Variants in PRKAR2B observed in about 807,000 individuals in gnomAD.
PRKAR2B encodes cAMP-dependent protein kinase type II-beta regulatory subunit.
Under a neutral mutation model 49.9 loss-of-function variants are expected in PRKAR2B, and 14 were observed. The observed-to-expected ratio is 0.28, with a 90% CI of 0.19 to 0.44. PRKAR2B has a LOEUF of 0.44. PRKAR2B is among the 20% of genes least tolerant of loss of function. PRKAR2B has a pLI of 1.00. For synonymous variants in PRKAR2B, 196 were observed against 197.7 expected, an observed-to-expected ratio of 0.99 and a Z score of 0.07; for missense variants, 393 against 537.9, an observed-to-expected ratio of 0.73 and a Z score of 2.67.
Position 107,045,168 on chromosome 7 carries a change from C to A in PRKAR2B, c.261C>A (p.Asp87Glu). 2 of 1,477,278 alleles carry A rather than the reference C, an allele frequency of 1.4e-6. No homozygotes were observed. The highest frequency in any genetic ancestry group is 1.8e-6 in the Non-Finnish European group (2 of 1,114,176). The allele number at this position is 1,477,278 out of a possible 1,614,324, so 91.5% of individuals were successfully genotyped here. A position where few individuals can be genotyped will look rare whatever the true frequency, so the allele number is the denominator to read the frequency against. Residue 87 changes from aspartate to glutamate, a missense_variant, in exon 1 of 11, where the codon GAC becomes GAA. This residue lies in a region of PRKAR2B where 160 missense variants were observed against 147.6 expected (regional missense o/e 1.08). Transcript: ENST00000265717. The stretch of plus-strand genomic sequence containing the variant: ...AGCCCATGCAGTCCGACTCCGAGGA[C>A]GGGGAGGAGGAGGAGGCGGCGCCCG... ...AEEPMQSDSEDGEEEEAAPAD... is the reference protein window; with the variant it reads ...AEEPMQSDSEEGEEEEAAPAD...
intron 2 of PRKAR2B, among the ~76,000 whole-genome samples, chr7:107,073,031 T>G (rs2536502): frequency 0.75 from 113,430 of 152,040 alleles, 43,326 homozygotes; most frequent in African/African-American, 0.93. Flanking sequence ...TGTAGTGCTA[T>G]GTGTTCTATC....
At chr7:107,095,312 T>C (rs1439014456) in intron 2 of PRKAR2B, among the ~76,000 whole-genome samples, 1 of 152,012 alleles carries the variant, frequency 6.6e-6, no homozygotes, top group Non-Finnish European at 1.5e-5. Flanking sequence ...CTGTATGTTA[T>C]TGGTGTGTAA....
At position 107,160,974 on chromosome 7, in the gene PRKAR2B, A is replaced by C. The variant is rs926609490; in HGVS notation, c.*1392A>C. The C allele has an allele frequency of 2.0e-5, 3 of 152,218 alleles. No homozygotes were observed. Among genetic ancestry groups the C allele is most frequent in the Non-Finnish European group, 4.4e-5 (3 of 68,024 alleles). 9.4% of individuals were successfully genotyped at this position (152,218 alleles called of 1,614,324 possible). On this transcript the variant is annotated 3_prime_UTR_variant, in exon 11 of 11. Transcript: ENST00000265717. ...CCAGTTGTTTGCTTTTAAATGAGTG[A>C]TTTCATTTTGGGAAACAGGTTTCAA... is the stretch of plus-strand genomic sequence containing the variant.
intron 2 of PRKAR2B, among the ~76,000 whole-genome samples, chr7:107,096,466 A>G (rs1235877569): frequency 6.7e-6 from 1 of 148,880 alleles, no homozygotes; most frequent in Non-Finnish European, 1.5e-5. Flanking sequence ...TCCTGGATTC[A>G]TTGATTTTTT....
intron 1 of PRKAR2B, among the ~76,000 whole-genome samples, chr7:107,065,648 C>A (rs999234256): frequency 3.3e-5 from 5 of 152,162 alleles, no homozygotes; most frequent in Admixed American, 2.0e-4. Context: ...GACTCTCTTA[C>A]AATTCCAGTG....
chr7:107,116,204 C>T (rs1795269323), intron 2 of PRKAR2B, among the ~76,000 whole-genome samples: 1 of 152,182 alleles, frequency 6.6e-6, no homozygotes. Flanking sequence ...TTACTGTGTG[C>T]CAGTCACTGT....
At chr7:107,105,672 CT>C (rs1385562794) in intron 2 of PRKAR2B, among the ~76,000 whole-genome samples, 1 of 152,114 alleles carries the variant, frequency 6.6e-6, no homozygotes, top group African/African-American at 2.4e-5. Flanking sequence ...GTCCTCTATT[CT>C]CTTGGCCATT....
chr7:107,135,423 T>C (rs934608344), intron 4 of PRKAR2B, among the ~76,000 whole-genome samples: 1 of 152,176 alleles, frequency 6.6e-6, no homozygotes, highest in African/African-American at 2.4e-5. Flanking sequence ...GTAAAATGTA[T>C]TGAGAAGGAA....
intron 2 of PRKAR2B, among the ~76,000 whole-genome samples, chr7:107,106,488 A>G (rs760419420): frequency 3.9e-5 from 6 of 152,244 alleles, no homozygotes; most frequent in Non-Finnish European, 8.8e-5. Flanking sequence ...AAACTCCTAT[A>G]TAAACTTCTC....
In PRKAR2B at chr7:107,045,226, A is replaced by G. The variant is rs757533399; in HGVS notation, c.307+12A>G. The G allele has an allele frequency of 2.9e-6, 4 of 1,402,096 alleles. No homozygotes were observed. Among genetic ancestry groups the G allele is most frequent in the Middle Eastern group, 2.7e-4 (1 of 3,770 alleles). 86.9% of individuals were successfully genotyped at this position (1,402,096 alleles called of 1,614,324 possible). A position where few individuals can be genotyped will look rare whatever the true frequency, so the allele number is the denominator to read the frequency against. On this transcript the variant is annotated intron_variant, in intron 1 of 10. Transcript: ENST00000265717. Reference sequence around the variant, plus strand: ...AGGGGCGTTCAATGGTGAGGACCAGACCCCCCACTTCGCGCCCCCGGATCC... The same window carrying G: ...AGGGGCGTTCAATGGTGAGGACCAGGCCCCCCACTTCGCGCCCCCGGATCC...
intron 10 of PRKAR2B, among the ~76,000 whole-genome samples, chr7:107,158,173 GGTGA>G (rs1796131050): frequency 6.6e-6 from 1 of 152,008 alleles, no homozygotes; most frequent in Non-Finnish European, 1.5e-5. Context: ...AAAGAGTAAA[GGTGA>G]GTGAGTGAAA....
In PRKAR2B at chr7:107,103,924, A is replaced by ATT. The variant is rs990935837; in HGVS notation, c.344-18027_344-18026dup. Among the ~76,000 whole-genome samples, 177 of 152,212 alleles carry ATT rather than the reference A, an allele frequency of 1.2e-3. 3 individuals are homozygous for ATT. Among genetic ancestry groups the ATT allele is most frequent in the Admixed American group, 0.012 (177 of 15,288 alleles). On this transcript the variant is annotated intron_variant, in intron 2 of 10. Coordinates refer to ENST00000265717, the MANE Select transcript of PRKAR2B (RefSeq NM_002736.3). ...TTCTGTCTCAATTTAAAGGCTCCTG[A>ATT]TTATTCCCTTTTAGAGCTTCATAGA...
intron 5 of PRKAR2B, among the ~76,000 whole-genome samples, chr7:107,144,292 T>C (rs1206289824): frequency 2.0e-5 from 3 of 152,064 alleles, no homozygotes; most frequent in African/African-American, 7.2e-5. Context: ...TTCACCATGT[T>C]GGCCAGGCTG....
At chr7:107,116,548 T>C (rs1241128347) in intron 2 of PRKAR2B, among the ~76,000 whole-genome samples, 1 of 152,184 alleles carries the variant, frequency 6.6e-6, no homozygotes, top group African/African-American at 2.4e-5. Flanking sequence ...TATGTATACA[T>C]ACACATAGAT....
chr7:107,151,167 T>C (rs1174009760), intron 7 of PRKAR2B, 144 bp downstream of exon 7: 1 of 515,978 alleles, frequency 1.9e-6, no homozygotes, highest in Non-Finnish European at 3.4e-6. Context: ...GTAGTGCTAA[T>C]TTTTATAACT....
intron 7 of PRKAR2B, among the ~76,000 whole-genome samples, chr7:107,152,542 A>G (rs2115670036): frequency 6.6e-6 from 1 of 152,226 alleles, no homozygotes; most frequent in South Asian, 2.1e-4. Flanking sequence ...ATTCAGCTTC[A>G]TTTTCCATAC....
chr7:107,105,436 C>G (rs999889674), intron 2 of PRKAR2B, among the ~76,000 whole-genome samples: 1 of 152,186 alleles, frequency 6.6e-6, no homozygotes, highest in Admixed American at 6.5e-5. Flanking sequence ...CATGGTACAA[C>G]CAAAGGAGTA....
chr7:107,110,879 C>T (rs1397022122), intron 2 of PRKAR2B, among the ~76,000 whole-genome samples: 4 of 151,854 alleles, frequency 2.6e-5, no homozygotes, highest in Admixed American at 6.6e-5. Flanking sequence ...CTTTTGCTTG[C>T]GAAAAGCAGA....
In PRKAR2B at chr7:107,045,170, G is replaced by GGGA; in HGVS notation, c.275_277dup (p.Glu92dup). 6 of 1,475,452 alleles carry GGGA rather than the reference G, an allele frequency of 4.1e-6. No homozygotes were observed. Among genetic ancestry groups the GGGA allele is most frequent in the East Asian group, 2.6e-5 (1 of 38,740 alleles). The allele number at this position is 1,475,452 out of a possible 1,614,324, so 91.4% of individuals were successfully genotyped here. On this transcript the variant is annotated inframe_insertion, in exon 1 of 11. Transcript: ENST00000265717. ...CCCATGCAGTCCGACTCCGAGGACG[G>GGGA]GGAGGAGGAGGAGGCGGCGCCCGCG...
Sources: allele counts gnomAD v4.1 joint callset (sites outside exome capture counted in the v4.1 genomes callset), GRCh38; gene constraint gnomAD v4.1.1; regional missense constraint gnomAD v4.1.1; transcripts MANE v1.5; gene names NCBI Gene and HGNC (gene_info 2026-07-23, HGNC 2026-07-21).